The following PLEKHM2 variants were observed in gnomAD, a reference collection of about 807,000 sequenced individuals.
PLEKHM2 encodes pleckstrin homology and RUN domain containing M2.
In PLEKHM2, 77 loss-of-function variants were observed where a neutral mutation model predicts 116.3. That is an observed-to-expected ratio of 0.66 (90% CI 0.55 to 0.80). The LOEUF is 0.80. PLEKHM2 is among the 30% of genes least tolerant of loss of function. The pLI, the probability that PLEKHM2 is intolerant of heterozygous loss-of-function variation, is 0.00. For missense variants in PLEKHM2, 1,183 were observed against 1,354.9 expected (o/e 0.87, Z 1.99); for synonymous variants, 562 against 571.0 (o/e 0.98, Z 0.22).
At chr1:15,714,175 C>T (rs953388634) in intron 1 of PLEKHM2, among the ~76,000 whole-genome samples, 2 of 151,904 alleles carry the variant, frequency 1.3e-5, no homozygotes, top group African/African-American at 2.4e-5. Context: ...CTCCTGACCT[C>T]GTGATCCACC....
intron 1 of PLEKHM2, among the ~76,000 whole-genome samples, chr1:15,712,107 A>G (rs888252586): frequency 3.4e-5 from 5 of 146,104 alleles, no homozygotes; most frequent in African/African-American, 1.3e-4. Context: ...AACAAGAGCA[A>G]GATTCAGTCT....
upstream of PLEKHM2, chr1:15,681,569 T>A: frequency 2.1e-6 from 1 of 479,328 alleles, no homozygotes. Flanking sequence ...ATCCCAAAGC[T>A]TGTTGGGTCA....
At chr1:15,725,975 C>G (rs867121580) in intron 8 of PLEKHM2, 1 of 183,050 alleles carries the variant, frequency 5.5e-6, no homozygotes, top group Non-Finnish European at 1.1e-5. Context: ...CATCACCCCC[C>G]ACCCCCTGAT....
intron 1 of PLEKHM2, among the ~76,000 whole-genome samples, chr1:15,703,646 T>TCATA (rs1274899356): frequency 6.6e-6 from 1 of 152,206 alleles, no homozygotes; most frequent in African/African-American, 2.4e-5. Flanking sequence ...GAAATTGTTT[T>TCATA]GTGGGTGTAT....
intron 7 of PLEKHM2, 39 bp from the exon 8 acceptor site, chr1:15,725,278 G>C (rs1335976571): frequency 1.0e-5 from 15 of 1,469,450 alleles, no homozygotes; most frequent in Non-Finnish European, 1.4e-5. Flanking sequence ...ACCCCGGGGG[G>C]TGCCTGACAG....
chr1:15,693,860 T>C (rs1395964746), intron 1 of PLEKHM2, among the ~76,000 whole-genome samples: 1 of 152,028 alleles, frequency 6.6e-6, no homozygotes, highest in African/African-American at 2.4e-5. Context: ...GAGAAGAAGG[T>C]TGGCATTTGC....
chr1:15,726,799 C>G (rs1162518156), intron 8 of PLEKHM2, among the ~76,000 whole-genome samples: 1 of 152,184 alleles, frequency 6.6e-6, no homozygotes, highest in African/African-American at 2.4e-5. Context: ...CCATGCTACC[C>G]CCACCCCGCC....
chr1:15,683,916 C>G (rs560692774), upstream of PLEKHM2, among the ~76,000 whole-genome samples: 214 of 74,270 alleles, frequency 2.9e-3, no homozygotes, highest in African/African-American at 0.01. Flanking sequence ...TGTGGGCTGA[C>G]GAGGCCTGGG....
At position 15,719,377 on chromosome 1, in the gene PLEKHM2, G is replaced by A. The variant is rs954518511; in HGVS notation, c.466-357G>A. On this transcript the variant is annotated intron_variant, in intron 5 of 19. Coordinates refer to ENST00000375799, the MANE Select transcript of PLEKHM2 (RefSeq NM_015164.4). The surrounding 1 kb of genome is among the most constrained non-coding windows in gnomAD (Gnocchi z 4.1). ...TGAGGCAGGAGAATCGCTCGAACCC[G>A]GGAGGTGGAAGTTGCAGTGAGCCGA... 5.9e-5 allele frequency among the ~76,000 whole-genome samples: 9 copies of A among 152,032 alleles called. No individual in the cohort carries two copies. Among genetic ancestry groups the A allele is most frequent in the African/African-American group, 1.4e-4 (6 of 41,390 alleles).
intron 19 of PLEKHM2, 94 bp from the exon 20 acceptor site, chr1:15,733,703 T>G: frequency 1.4e-6 from 2 of 1,388,770 alleles, no homozygotes; most frequent in Non-Finnish European, 2.0e-6. Flanking sequence ...AGGGGCTCCG[T>G]GGCCAAGGCA....
rs1356539609 is a variant in PLEKHM2 at position 15,728,974 on chromosome 1, G to T, written c.1987-128G>T. On this transcript the variant is annotated intron_variant, in intron 12 of 19. Transcript: ENST00000375799. This position sits in a 1 kb window ranked among gnomAD's most constrained non-coding sequence, Gnocchi z 5.9. ...CACTCATGCCAGCCCCTGGCCTCTG[G>T]GGCTTTACTTGGTGGTGGCCCGGGG... 28 of 902,212 alleles carry T rather than the reference G, an allele frequency of 3.1e-5. No individual in the cohort carries two copies. The highest frequency in any genetic ancestry group is 6.3e-5 in the Admixed American group (3 of 47,966). 55.9% of individuals were successfully genotyped at this position (902,212 alleles called of 1,614,324 possible).
chr1:15,700,002 AC>A (rs1383343929), intron 1 of PLEKHM2, among the ~76,000 whole-genome samples: 1 of 150,324 alleles, frequency 6.7e-6, no homozygotes, highest in Non-Finnish European at 1.5e-5. Flanking sequence ...AAAAAAAAAA[AC>A]AACAAAAATA....
intron 1 of PLEKHM2, among the ~76,000 whole-genome samples, chr1:15,703,282 C>A (rs1641155112): frequency 6.6e-6 from 1 of 152,162 alleles, no homozygotes; most frequent in South Asian, 2.1e-4. Flanking sequence ...GCAGGCACAG[C>A]GGTGGAGCCC....
At chr1:15,710,082 CT>C (rs1641301026) in intron 1 of PLEKHM2, among the ~76,000 whole-genome samples, 2 of 151,600 alleles carry the variant, frequency 1.3e-5, no homozygotes, top group African/African-American at 2.4e-5. Context: ...AAAAAATTAG[CT>C]GGGCATGGTG....
chr1:15,705,529 C>A (rs559916252), intron 1 of PLEKHM2, among the ~76,000 whole-genome samples: 2 of 152,212 alleles, frequency 1.3e-5, no homozygotes, highest in African/African-American at 4.8e-5. Flanking sequence ...CAGAGCTGAA[C>A]TCCACCTGAT....
rs199779846 is a variant in PLEKHM2, at chr1:15,728,318, G to A, written c.1882G>A (p.Val628Met). 9.9e-6 allele frequency: 16 copies of A among 1,613,124 alleles called. No homozygotes were observed. The Admixed American group carries it at 1.5e-4, about 15-fold the overall frequency. ...HMEGNLQLLY[V>M]LLTDCYVYLL... ...GGAGGGCAACCTGCAGCTGCTGTAC[G>A]TGCTGCTCACAGACTGCTATGTCTA... The change falls in exon 11 of 20, where the codon GTG becomes ATG. Residue 628 changes from valine to methionine, a missense_variant. Physicochemically the swap from Val to Met is conservative, Grantham distance 21 (BLOSUM62 1). Around this residue, in one of 3 missense-constraint regions of PLEKHM2, gnomAD observed 594 missense variants for 720.1 expected, o/e 0.82. Transcript: ENST00000375799. This position sits in a 1 kb window ranked among gnomAD's most constrained non-coding sequence, Gnocchi z 5.9.
intron 1 of PLEKHM2, among the ~76,000 whole-genome samples, chr1:15,689,362 A>T (rs955109400): frequency 8.5e-5 from 13 of 152,128 alleles, no homozygotes; most frequent in African/African-American, 2.9e-4. Context: ...GGCCTTCCAG[A>T]TGGTCTTCCG....
upstream of PLEKHM2, among the ~76,000 whole-genome samples, chr1:15,682,633 C>A (rs1454740319): frequency 0.25 from 31,291 of 123,962 alleles, 4,106 homozygotes; most frequent in African/African-American, 0.44. Flanking sequence ...ACAAACAAAA[C>A]AAAACAAAAC....
chr1:15,701,364 C>T (rs924826831), intron 1 of PLEKHM2, among the ~76,000 whole-genome samples: 5 of 150,686 alleles, frequency 3.3e-5, no homozygotes, highest in African/African-American at 4.9e-5. Flanking sequence ...ACCTGGGAGG[C>T]GGAGGTTGCA....
Sources: gnomAD v4.1 joint callset for allele counts (sites outside exome capture counted in the v4.1 genomes callset) on GRCh38, gnomAD v4.1.1 for gene constraint, gnomAD v4.1.1 regional missense constraint, Gnocchi (gnomAD v3.1) non-coding constraint, MANE v1.5 for transcripts, NCBI Gene and HGNC (gene_info 2026-07-23, HGNC 2026-07-21) for gene names.